The following CAPN1 variants were observed in gnomAD, a reference collection of about 807,000 sequenced individuals.
The protein encoded by CAPN1 is calpain-1 catalytic subunit.
Under a neutral mutation model 105.2 loss-of-function variants are expected in CAPN1, and 77 were observed. That is an observed-to-expected ratio of 0.73 (90% CI 0.61 to 0.88). The LOEUF (loss-of-function observed/expected upper bound fraction) is 0.88, where lower values mean the gene tolerates loss of function less well. CAPN1 is among the 40% of genes least tolerant of loss of function. The pLI is 0.00. For synonymous variants in CAPN1, 355 were observed against 388.8 expected (o/e 0.91, Z 1.02); for missense variants, 833 against 976.6 (o/e 0.85, Z 1.96).
rs1281691441 is a variant in CAPN1 at position 65,182,879 on chromosome 11, G to A, written c.178G>A (p.Ala60Thr). 4 of 1,604,050 alleles carry A rather than the reference G, an allele frequency of 2.5e-6. No individual in the cohort carries two copies. Among genetic ancestry groups the A allele is most frequent in the African/African-American group, 1.3e-5 (1 of 74,650 alleles). The part of the protein sequence containing the change: ...LQSGTLFRDE[A>T]FPPVPQSLGY... ...GAGTGGGACCCTCTTCCGTGATGAG[G>A]CCTTCCCCCCGGTACCCCAGAGCCT... The change falls in exon 2 of 22, where the codon GCC becomes ACC. Residue 60 changes from alanine to threonine, a missense_variant. By Grantham distance (58) the Ala-to-Thr change is moderately conservative (BLOSUM62 0). Transcript: ENST00000279247.
Position 65,210,057 on chromosome 11 carries a change from A to C in CAPN1, c.1903A>C (p.Met635Leu). The change falls in exon 19 of 22, where the codon ATG (methionine) becomes CTG (leucine). Residue 635 changes from methionine (M) to leucine (L), a missense_variant. Met to Leu is a conservative substitution (Grantham distance 15). Transcript: ENST00000279247. This position sits in a 1 kb window ranked among gnomAD's most constrained non-coding sequence, Gnocchi z 4.3. ...GTTTGACCTGGACAAGTCGGGCAGCATGAGTGCCTACGAGATGCGGATGGC... is the reference window on the plus strand; with the variant it reads ...GTTTGACCTGGACAAGTCGGGCAGCCTGAGTGCCTACGAGATGCGGATGGC... ...RKFDLDKSGS[M>L]SAYEMRMAIE... The C allele has an allele frequency of 6.2e-7, 1 of 1,612,928 alleles. No individual in the cohort carries two copies. Among genetic ancestry groups the C allele is most frequent in the Non-Finnish European group, 8.5e-7 (1 of 1,179,814 alleles).
chr11:65,194,076 C>G (rs2137346095), intron 10 of CAPN1, among the ~76,000 whole-genome samples: 1 of 150,908 alleles, frequency 6.6e-6, no homozygotes, highest in Middle Eastern at 3.4e-3. Flanking sequence ...ATTCTCTTGC[C>G]TCAGCCTCCC....
intron 6 of CAPN1, 79 bp downstream of exon 6, chr11:65,186,417 C>A: frequency 1.6e-6 from 2 of 1,289,438 alleles, no homozygotes; most frequent in Non-Finnish European, 2.1e-6. Flanking sequence ...AAATCCCCAC[C>A]CAGGCTCCGC....
Position 65,187,322 on chromosome 11 carries a change from C to T in CAPN1, c.843+24C>T, listed in dbSNP as rs780319114. On this transcript the variant is annotated intron_variant, in intron 7 of 21. Coordinates refer to ENST00000279247, the MANE Select transcript of CAPN1 (RefSeq NM_005186.4). The stretch of plus-strand genomic sequence containing the variant: ...AGGTACTGCCCTGGGTGGGGCCTTC[C>T]CTGAAGGGCGGTTCCTGCCCCCTGG... 3 of 1,565,062 alleles carry T rather than the reference C, an allele frequency of 1.9e-6. No homozygotes were observed. In the South Asian group the frequency reaches 3.4e-5, roughly 18 times the overall value.
rs1425558962 is a variant in CAPN1, at chr11:65,210,892, C to G, written c.2118+20C>G. 1 of 1,597,856 alleles carries G rather than the reference C, an allele frequency of 6.3e-7. No individual in the cohort carries two copies. Among genetic ancestry groups the G allele is most frequent in the East Asian group, 2.2e-5 (1 of 44,816 alleles). ...TTTAAGGTGGGAACCTCCCTGGGCC[C>G]ATGGTTGGGGAAGAGTTCCAGGCGA... On this transcript the variant is annotated intron_variant, in intron 21 of 21. Coordinates refer to ENST00000279247, the MANE Select transcript of CAPN1 (RefSeq NM_005186.4). This position sits in a 1 kb window ranked among gnomAD's most constrained non-coding sequence, Gnocchi z 4.3.
intron 3 of CAPN1, 132 bp from the exon 4 acceptor site, chr11:65,183,342 C>T (rs1948575543): frequency 9.8e-6 from 11 of 1,121,862 alleles, no homozygotes; most frequent in Non-Finnish European, 1.1e-5. Flanking sequence ...GCCCAGATTC[C>T]TGGGTCTTTT....
At chr11:65,204,413 T>G (rs1160894263) in intron 10 of CAPN1, among the ~76,000 whole-genome samples, 2 of 152,134 alleles carry the variant, frequency 1.3e-5, no homozygotes, top group Non-Finnish European at 2.9e-5. Flanking sequence ...GGTCCCCTAC[T>G]CTGATCTACT....
chr11:65,200,230 G>T (rs1948847970), intron 10 of CAPN1, among the ~76,000 whole-genome samples: 1 of 151,920 alleles, frequency 6.6e-6, no homozygotes, highest in South Asian at 2.1e-4. Context: ...TTGTAGAGAT[G>T]GGGTTTTACC....
At position 65,210,691 on chromosome 11, in the gene CAPN1, G is replaced by A; in HGVS notation, c.2060-123G>A. On this transcript the variant is annotated intron_variant, in intron 20 of 21. Coordinates refer to ENST00000279247, the MANE Select transcript of CAPN1 (RefSeq NM_005186.4). This position sits in a 1 kb window ranked among gnomAD's most constrained non-coding sequence, Gnocchi z 4.3. ...GGGGTGAAGCTTCCCAGCTTCAAGG[G>A]GTGTCAGCTTGCGGTACTGTGGGGA... is the stretch of plus-strand genomic sequence containing the variant. 4.8e-6 allele frequency: 4 copies of A among 827,906 alleles called. No homozygotes were observed. Among genetic ancestry groups the A allele is most frequent in the Non-Finnish European group, 8.4e-6 (4 of 474,258 alleles). 51.3% of individuals were successfully genotyped at this position (827,906 alleles called of 1,614,324 possible). A position where few individuals can be genotyped will look rare whatever the true frequency, so the allele number is the denominator to read the frequency against.
At chr11:65,187,420 C>T in intron 7 of CAPN1, 122 bp downstream of exon 7, 1 of 673,770 alleles carries the variant, frequency 1.5e-6, no homozygotes, top group Non-Finnish European at 2.6e-6. Context: ...TCCTGCAGCA[C>T]CTTATCTCTC....
chr11:65,191,561 T>C (rs2137336537), intron 10 of CAPN1, among the ~76,000 whole-genome samples: 1 of 152,228 alleles, frequency 6.6e-6, no homozygotes, highest in East Asian at 1.9e-4. Flanking sequence ...GTATTTTTAT[T>C]AGAGACAGGG....
chr11:65,192,600 GA>G (rs1394253397), intron 10 of CAPN1, among the ~76,000 whole-genome samples: 3 of 151,550 alleles, frequency 2.0e-5, no homozygotes, highest in African/African-American at 7.3e-5. Flanking sequence ...CAATTTTGAT[GA>G]GTTGTATTTT....
At chr11:65,187,833 A>T in intron 7 of CAPN1, 122 bp from the exon 8 acceptor site, 1 of 666,320 alleles carries the variant, frequency 1.5e-6, no homozygotes, top group Admixed American at 2.4e-5. Flanking sequence ...CGGAGGTTGC[A>T]GTGAGCTGAG....
At chr11:65,195,844 C>G (rs1456413374) in intron 10 of CAPN1, among the ~76,000 whole-genome samples, 1 of 152,058 alleles carries the variant, frequency 6.6e-6, no homozygotes, top group African/African-American at 2.4e-5. Context: ...AATTTCGAAG[C>G]CATCTGGTCC....
chr11:65,202,164 G>T (rs1476359618), intron 10 of CAPN1, among the ~76,000 whole-genome samples: 2 of 152,080 alleles, frequency 1.3e-5, no homozygotes, highest in African/African-American at 4.8e-5. Context: ...TTCCTGACGG[G>T]GGTTCCAGTT....
intron 10 of CAPN1, among the ~76,000 whole-genome samples, chr11:65,198,364 C>T (rs748029509): frequency 6.6e-6 from 1 of 151,992 alleles, no homozygotes; most frequent in Non-Finnish European, 1.5e-5. Flanking sequence ...CCAGGCTGGT[C>T]TCAAACTCCT....
At chr11:65,207,768 C>T (rs1345026953) in intron 14 of CAPN1, among the ~76,000 whole-genome samples, 1 of 151,928 alleles carries the variant, frequency 6.6e-6, no homozygotes, top group Non-Finnish European at 1.5e-5. Context: ...CAAAAATTAG[C>T]CGGGCATGGT....
rs1256705856 is a variant in CAPN1, at chr11:65,188,065, G to A, written c.929+25G>A. On this transcript the variant is annotated intron_variant, in intron 8 of 21. Coordinates refer to ENST00000279247, the MANE Select transcript of CAPN1 (RefSeq NM_005186.4). The surrounding 1 kb of genome is among the most constrained non-coding windows in gnomAD (Gnocchi z 5.5). ...GGTGAGGGGCAGTGGGCACTGTCTG[G>A]AGTGCCTTGGGGAAACTGTTAGGTG... 2 of 1,485,226 alleles carry A rather than the reference G, an allele frequency of 1.3e-6. No homozygotes were observed. The highest frequency in any genetic ancestry group is 1.8e-6 in the Non-Finnish European group (2 of 1,092,710). The allele number at this position is 1,485,226 out of a possible 1,614,324, so 92.0% of individuals were successfully genotyped here.
chr11:65,183,964 C>A (rs1035334408), intron 4 of CAPN1, among the ~76,000 whole-genome samples: 5 of 152,158 alleles, frequency 3.3e-5, no homozygotes, highest in Non-Finnish European at 7.4e-5. Flanking sequence ...ACGTGTCAAG[C>A]CTCCTATCCC....
Sources: allele counts gnomAD v4.1 joint callset (sites outside exome capture counted in the v4.1 genomes callset), GRCh38; gene constraint gnomAD v4.1.1; non-coding constraint Gnocchi (gnomAD v3.1); transcripts MANE v1.5; gene names NCBI Gene and HGNC (gene_info 2026-07-23, HGNC 2026-07-21).